RAD51D: variants seen among roughly 807,000 people sequenced by gnomAD.
The protein encoded by RAD51D is RAD51 paralog D, also known as DNA repair protein RAD51 homolog 4.
In RAD51D, 38 loss-of-function variants were observed where a neutral mutation model predicts 44.1. That is an observed-to-expected ratio of 0.86 (90% confidence interval 0.67 to 1.13). The LOEUF is 1.13. Ranked by LOEUF, RAD51D falls within the 50% of genes most tolerant of loss-of-function variation. The pLI, the probability that RAD51D is intolerant of heterozygous loss-of-function variation, is 0.00. For missense variants in RAD51D, 390 were observed against 414.0 expected, an observed-to-expected ratio of 0.94 and a Z score of 0.50; for synonymous variants, 141 against 166.6, an observed-to-expected ratio of 0.85 and a Z score of 1.18.
At chr17:35,117,632 G>T (rs1157479185) in intron 3 of RAD51D, among the ~76,000 whole-genome samples, 1 of 152,144 alleles carries the variant, frequency 6.6e-6, no homozygotes, top group Non-Finnish European at 1.5e-5. Flanking sequence ...TGGGACTACA[G>T]GCGCCCGCCA....
At chr17:35,116,772 G>A (rs2091753510) in intron 3 of RAD51D, 2 of 1,021,542 alleles carry the variant, frequency 2.0e-6, no homozygotes, top group African/African-American at 1.6e-5. Context: ...GTGATCACAG[G>A]CGTGAGCCAC....
intron 3 of RAD51D, among the ~76,000 whole-genome samples, chr17:35,111,155 G>C (rs181552574): frequency 1.3e-5 from 2 of 151,406 alleles, no homozygotes; most frequent in Non-Finnish European, 1.5e-5. Context: ...GAGGCGGGTG[G>C]ATCACCTGAG....
intron 8 of RAD51D, among the ~76,000 whole-genome samples, chr17:35,102,095 T>C (rs1211934218): frequency 1.3e-5 from 2 of 152,128 alleles, no homozygotes; most frequent in South Asian, 2.1e-4. Context: ...GGAAAAAATA[T>C]ATAGCTGCTA....
chr17:35,102,529 C>T (rs1056525821), intron 8 of RAD51D, among the ~76,000 whole-genome samples: 1 of 151,136 alleles, frequency 6.6e-6, no homozygotes, highest in Non-Finnish European at 1.5e-5. Context: ...CTTTGGGAGG[C>T]TGAGGCGGGT....
rs2091480791 is a variant in RAD51D at position 35,095,397 on chromosome 17, T to G, written c.*5556A>C. 1 of 152,028 alleles carries G rather than the reference T, an allele frequency of 6.6e-6. No individual in the cohort carries two copies. The highest frequency in any genetic ancestry group is 2.4e-5 in the African/African-American group (1 of 41,344). 9.4% of individuals were successfully genotyped at this position (152,028 alleles called of 1,614,324 possible). ...CTCGGGAGGCTGCGGCAGAATTGCT[T>G]GAACCCAGGAAGCAGAGGTTGCAGT... On this transcript the variant is annotated 3_prime_UTR_variant, in exon 10 of 10. Coordinates refer to ENST00000345365, the MANE Select transcript of RAD51D (RefSeq NM_002878.4).
At position 35,107,361 on chromosome 17, in the gene RAD51D, T is replaced by C. The variant is rs878854562; in HGVS notation, c.345+5A>G. ...AATCCTCCTGACTGCTGGCCTCACATGTACCTGAGTTTTGCCGCTACCTGG... is the reference window on the plus strand; with the variant it reads ...AATCCTCCTGACTGCTGGCCTCACACGTACCTGAGTTTTGCCGCTACCTGG... On this transcript the variant is annotated splice_donor_5th_base_variant and intron_variant, in intron 4 of 9. Coordinates refer to ENST00000345365, the MANE Select transcript of RAD51D (RefSeq NM_002878.4). 2.6e-6 allele frequency: 4 copies of C among 1,541,836 alleles called. No individual in the cohort carries two copies. Among genetic ancestry groups the C allele is most frequent in the Admixed American group, 3.3e-5 (2 of 59,880 alleles).
chr17:35,103,581 A>C lies in RAD51D; in HGVS notation c.577-37T>G, dbSNP rs1242264433. On this transcript the variant is annotated intron_variant, in intron 6 of 9. Transcript: ENST00000345365. The surrounding 1 kb of genome is among the most constrained non-coding windows in gnomAD (Gnocchi z 4.1). ...TGGGGGAAGCACTCATGAACCTGTC[A>C]GCCTCTAGGACACATTACAGGACAA... is the stretch of plus-strand genomic sequence containing the variant. 5.3e-6 allele frequency: 8 copies of C among 1,518,192 alleles called. No homozygotes were observed. The highest frequency in any genetic ancestry group is 7.3e-6 in the Non-Finnish European group (8 of 1,093,136). 94.0% of individuals were successfully genotyped at this position (1,518,192 alleles called of 1,614,324 possible). A position where few individuals can be genotyped will look rare whatever the true frequency, so the allele number is the denominator to read the frequency against.
intron 6 of RAD51D, 119 bp downstream of exon 6, chr17:35,106,267 A>T (rs760639750): frequency 2.4e-6 from 2 of 834,522 alleles, no homozygotes; most frequent in East Asian, 4.9e-5. Context: ...TAGCAAGCAT[A>T]GTTGGAGTCA....
chr17:35,116,980 CG>C, intron 3 of RAD51D: 6 of 1,613,930 alleles, frequency 3.7e-6, no homozygotes, highest in Non-Finnish European at 4.2e-6. Flanking sequence ...GATCTCCCTG[CG>C]GGGACCTGAG....
At chr17:35,116,838 C>G in intron 3 of RAD51D, 1 of 1,492,904 alleles carries the variant, frequency 6.7e-7, no homozygotes, top group Non-Finnish European at 9.1e-7. Flanking sequence ...GTGGTTGTGA[C>G]GAATAAATGA....
In RAD51D at chr17:35,097,527, A is replaced by G. The variant is rs77511244; in HGVS notation, c.*3426T>C. The G allele has an allele frequency of 3.3e-5, 5 of 150,914 alleles. No individual in the cohort carries two copies. Among genetic ancestry groups the G allele is most frequent in the African/African-American group, 1.2e-4 (5 of 41,142 alleles). 9.3% of individuals were successfully genotyped at this position (150,914 alleles called of 1,614,324 possible). A position where few individuals can be genotyped will look rare whatever the true frequency, so the allele number is the denominator to read the frequency against. On this transcript the variant is annotated 3_prime_UTR_variant, in exon 10 of 10. Transcript: ENST00000345365. Reference sequence around the variant, plus strand: ...TGTGTGTGTGTGTGTGTATATATATATATATATGTATATGTATATGTATAT... The same window carrying G: ...TGTGTGTGTGTGTGTGTATATATATGTATATATGTATATGTATATGTATAT...
In RAD51D at chr17:35,101,056, G is replaced by A. The variant is rs2091529783; in HGVS notation, c.904-20C>T. ...TGTTGGCTGGAAGAAGAAGTAAGGA[G>A]TCAGTGGAGTTAAGCAACCCAAGTG... On this transcript the variant is annotated intron_variant, in intron 9 of 9. Transcript: ENST00000345365. The A allele has an allele frequency of 6.2e-7, 1 of 1,609,354 alleles. No homozygotes were observed. Among genetic ancestry groups the A allele is most frequent in the Non-Finnish European group, 8.5e-7 (1 of 1,175,608 alleles).
chr17:35,112,928 T>C (rs548269436), intron 3 of RAD51D, among the ~76,000 whole-genome samples: 1 of 152,308 alleles, frequency 6.6e-6, no homozygotes, highest in Non-Finnish European at 1.5e-5. Context: ...CAATAATCAT[T>C]CCAGAAAAAT....
intron 3 of RAD51D, among the ~76,000 whole-genome samples, chr17:35,110,453 A>T (rs2091661457): frequency 6.6e-6 from 1 of 152,092 alleles, no homozygotes; most frequent in South Asian, 2.1e-4. Flanking sequence ...TTAATCAAAA[A>T]TTTTTTCATG....
chr17:35,116,204 C>T (rs1403523166), intron 3 of RAD51D, among the ~76,000 whole-genome samples: 1 of 152,180 alleles, frequency 6.6e-6, no homozygotes, highest in African/African-American at 2.4e-5. Context: ...CTAGACTGGA[C>T]TCACATACCC....
chr17:35,106,890 G>T, intron 5 of RAD51D, 98 bp downstream of exon 5: 1 of 1,563,320 alleles, frequency 6.4e-7, no homozygotes, highest in Non-Finnish European at 8.8e-7. Context: ...AAGTTTGAAG[G>T]CAAGGAATGA....
rs1413713873 is a variant in RAD51D at position 35,119,648 on chromosome 17, G to A, written c.-35C>T. On this transcript the variant is annotated 5_prime_UTR_variant, in exon 1 of 10. Transcript: ENST00000345365. ...AGGCCGGAACAGCCCCAGGGGGACT[G>A]CACGTCACGTGGGCATTCGCGGGGG... 1 of 1,603,440 alleles carries A rather than the reference G, an allele frequency of 6.2e-7. No homozygotes were observed.
chr17:35,109,002 G>A (rs992947432), intron 3 of RAD51D, among the ~76,000 whole-genome samples: 33 of 151,750 alleles, frequency 2.2e-4, no homozygotes, highest in Admixed American at 1.5e-3. Context: ...GAGTACCTGG[G>A]ATTACAGGCG....
rs1233886388 is a variant in RAD51D at position 35,107,120 on chromosome 17, T to C, written c.348A>G (p.Val116=). 3 of 1,613,940 alleles carry C rather than the reference T, an allele frequency of 1.9e-6. No individual in the cohort carries two copies. The highest frequency in any genetic ancestry group is 2.2e-5 in the East Asian group (1 of 44,866). Residue 116 remains valine (V), a splice_region_variant and synonymous_variant, in exon 5 of 10, where the codon GTA becomes GTG. Transcript: ENST00000345365. ...CCACATTTGCTGCCATACAGAGACATACCTGGGGGTGGGGGCATTGGATGA... is the reference window on the plus strand; with the variant it reads ...CCACATTTGCTGCCATACAGAGACACACCTGGGGGTGGGGGCATTGGATGA... ...VGGPGSGKTQ[V]CLCMAANVAH... is the part of the protein sequence containing the mutation.
Sources: gnomAD v4.1 joint callset for allele counts (sites outside exome capture counted in the v4.1 genomes callset) on GRCh38, gnomAD v4.1.1 for gene constraint, Gnocchi (gnomAD v3.1) non-coding constraint, MANE v1.5 for transcripts, NCBI Gene and HGNC (gene_info 2026-07-23, HGNC 2026-07-21) for gene names.